NFATC2: variants seen among roughly 807,000 people sequenced by gnomAD.
NFATC2 encodes nuclear factor of activated T cells 2.
NFATC2 carries 22 observed loss-of-function variants against 87.3 expected under a neutral mutation model. The ratio of observed to expected loss-of-function variants is 0.25; its 90% confidence interval spans 0.18 to 0.36. The LOEUF (loss-of-function observed/expected upper bound fraction) is 0.36, where lower values mean the gene tolerates loss of function less well. NFATC2 is among the 10% of genes least tolerant of loss of function. NFATC2 has a pLI of 1.00. For synonymous variants in NFATC2, 565 were observed against 542.2 expected (o/e 1.04, Z -0.58); for missense variants, 1,149 against 1,259.1 (o/e 0.91, Z 1.32).
At chr20:51,440,235 T>TAAAAAAAA (rs1984138722) in intron 6 of NFATC2, among the ~76,000 whole-genome samples, 1 of 12,894 alleles carries the variant, frequency 7.8e-5, no homozygotes, top group Admixed American at 8.7e-4. Context: ...AAACTCCATC[T>TAAAAAAAA]CAAAAAAAAA....
intron 1 of NFATC2, among the ~76,000 whole-genome samples, chr20:51,557,492 A>G (rs1372793682): frequency 6.6e-6 from 1 of 152,124 alleles, no homozygotes; most frequent in African/African-American, 2.4e-5. Flanking sequence ...TGTCACTGTC[A>G]TTGTCATTTG....
chr20:51,477,556 T>TATATACAC (rs1384282351), intron 3 of NFATC2, among the ~76,000 whole-genome samples: 7 of 119,818 alleles, frequency 5.8e-5, no homozygotes, highest in African/African-American at 2.1e-4. Context: ...TATATATATA[T>TATATACAC]ATATATATAT....
At chr20:51,394,290 G>T (rs1299346785) in intron 10 of NFATC2, among the ~76,000 whole-genome samples, 1 of 152,096 alleles carries the variant, frequency 6.6e-6, no homozygotes, top group Non-Finnish European at 1.5e-5. Context: ...TTCATGCAGG[G>T]TCCACAGGTC....
intron 9 of NFATC2, among the ~76,000 whole-genome samples, chr20:51,400,681 C>A (rs1276622381): frequency 6.6e-6 from 1 of 152,196 alleles, no homozygotes; most frequent in Non-Finnish European, 1.5e-5. Context: ...GGCCCGAAAT[C>A]AACTCGGGAC....
At chr20:51,493,563 G>A (rs890561346) in intron 3 of NFATC2, among the ~76,000 whole-genome samples, 2 of 152,110 alleles carry the variant, frequency 1.3e-5, no homozygotes, top group African/African-American at 2.4e-5. Context: ...TTTCCACCCC[G>A]ACTATGAGTC....
intron 9 of NFATC2, among the ~76,000 whole-genome samples, chr20:51,411,734 G>T (rs1241836125): frequency 6.6e-6 from 1 of 151,922 alleles, no homozygotes; most frequent in Non-Finnish European, 1.5e-5. Flanking sequence ...CAACATGTTG[G>T]CCAGCCTGGT....
chr20:51,444,736 C>A (rs1328142202), intron 6 of NFATC2, among the ~76,000 whole-genome samples: 2 of 152,174 alleles, frequency 1.3e-5, no homozygotes, highest in Non-Finnish European at 2.9e-5. Flanking sequence ...TGGTTGAAGT[C>A]ATTTCAGTCT....
chr20:51,471,792 C>T (rs1223749973), intron 5 of NFATC2, among the ~76,000 whole-genome samples: 1 of 152,238 alleles, frequency 6.6e-6, no homozygotes, highest in Admixed American at 6.5e-5. Flanking sequence ...CAGATATTTT[C>T]TGACCGCAGA....
intron 9 of NFATC2, among the ~76,000 whole-genome samples, chr20:51,413,342 C>G (rs939249312): frequency 6.6e-6 from 1 of 152,094 alleles, no homozygotes; most frequent in Non-Finnish European, 1.5e-5. Flanking sequence ...CAGCCTGATT[C>G]TAGGACCAGG....
chr20:51,518,966 A>C (rs1233398121), intron 2 of NFATC2, among the ~76,000 whole-genome samples: 1 of 152,052 alleles, frequency 6.6e-6, no homozygotes, highest in Non-Finnish European at 1.5e-5. Flanking sequence ...AGGCCTAGCT[A>C]AGTTTAAACA....
chr20:51,531,587 G>A (rs528810270), intron 1 of NFATC2, among the ~76,000 whole-genome samples: 8 of 152,272 alleles, frequency 5.3e-5, no homozygotes, highest in African/African-American at 1.9e-4. Context: ...ACGGGGTTAG[G>A]GGACTCCAGA....
intron 10 of NFATC2, among the ~76,000 whole-genome samples, chr20:51,393,378 G>A (rs761298360): frequency 2.0e-5 from 3 of 152,142 alleles, no homozygotes; most frequent in African/African-American, 4.8e-5. Flanking sequence ...AGTGCCCAGC[G>A]TTCAGCCAGT....
chr20:51,548,279 A>G (rs902288998), intron 1 of NFATC2, among the ~76,000 whole-genome samples: 14 of 152,176 alleles, frequency 9.2e-5, no homozygotes, highest in Non-Finnish European at 1.6e-4. Flanking sequence ...GTCACCTGTT[A>G]GAGACCTTCC....
At chr20:51,407,730 G>C (rs1029947076) in intron 9 of NFATC2, among the ~76,000 whole-genome samples, 4 of 152,216 alleles carry the variant, frequency 2.6e-5, no homozygotes, top group African/African-American at 9.7e-5. Context: ...CCTGGCATTT[G>C]GAAGGCTTAT....
intron 1 of NFATC2, among the ~76,000 whole-genome samples, chr20:51,556,835 T>C (rs2076982686): frequency 6.6e-6 from 1 of 151,882 alleles, no homozygotes; most frequent in African/African-American, 2.4e-5. Context: ...CCAGAGAAGC[T>C]CTGAGGAAAG....
In NFATC2 at chr20:51,432,441, G is replaced by C; in HGVS notation, c.2348C>G (p.Ser783Cys). The C allele has an allele frequency of 6.4e-7, 1 of 1,574,370 alleles. No homozygotes were observed. Among genetic ancestry groups the C allele is most frequent in the Admixed American group, 1.8e-5 (1 of 56,908 alleles). Residue 783 changes from serine (S) to cysteine (C), a missense_variant, in exon 9 of 11, where the codon TCT becomes TGT. This residue lies in a region of NFATC2 where 581 missense variants were observed against 649.7 expected (regional missense o/e 0.89). Coordinates refer to ENST00000371564, the MANE Select transcript of NFATC2 (RefSeq NM_012340.5). This position sits in a 1 kb window ranked among gnomAD's most constrained non-coding sequence, Gnocchi z 4.6. ...APLSLADAHR[S>C]VLVHAGSQGQ... The stretch of plus-strand genomic sequence containing the variant: ...CTGGGAGCCGGCGTGCACCAGCACA[G>C]AGCGGTGAGCGTCCGCAAGGGACAG...
At position 51,390,938 on chromosome 20, in the gene NFATC2, G is replaced by A. The variant is rs1986246975; in HGVS notation, c.*558C>T. ...CTGGGCTCTTGGGTCACGTTCCTTT[G>A]GTTGCTCTGAGAACTCCTTGCCTTC... On this transcript the variant is annotated 3_prime_UTR_variant, in exon 11 of 11. Coordinates refer to ENST00000371564, the MANE Select transcript of NFATC2 (RefSeq NM_012340.5). The A allele has an allele frequency of 8.3e-6, 2 of 242,322 alleles. No individual in the cohort carries two copies. The highest frequency in any genetic ancestry group is 1.7e-5 in the Non-Finnish European group (2 of 119,566). 15.0% of individuals were successfully genotyped at this position (242,322 alleles called of 1,614,324 possible). A position where few individuals can be genotyped will look rare whatever the true frequency, so the allele number is the denominator to read the frequency against.
At chr20:51,487,052 G>A (rs571394880) in intron 3 of NFATC2, among the ~76,000 whole-genome samples, 4 of 152,188 alleles carry the variant, frequency 2.6e-5, no homozygotes, top group Admixed American at 6.5e-5. Context: ...GTGTTTACCC[G>A]AAGACCAGAA....
chr20:51,503,995 C>T (rs1470989294), intron 3 of NFATC2, among the ~76,000 whole-genome samples: 1 of 152,032 alleles, frequency 6.6e-6, no homozygotes, highest in African/African-American at 2.4e-5. Flanking sequence ...AAGCATGCAC[C>T]ACCACATCCA....
Sources: allele counts gnomAD v4.1 joint callset (sites outside exome capture counted in the v4.1 genomes callset), GRCh38; gene constraint gnomAD v4.1.1; regional missense constraint gnomAD v4.1.1; non-coding constraint Gnocchi (gnomAD v3.1); transcripts MANE v1.5; gene names NCBI Gene and HGNC (gene_info 2026-07-23, HGNC 2026-07-21).